NTRK3: variants seen among roughly 807,000 people sequenced by gnomAD.
NTRK3 encodes neurotrophic receptor tyrosine kinase 3, also known as NT-3 growth factor receptor.
A neutral mutation model predicts 91.7 loss-of-function variants in NTRK3; 24 were observed. That is an observed-to-expected ratio of 0.26 (90% CI 0.19 to 0.37). NTRK3 has a LOEUF of 0.37. NTRK3 is among the 10% of genes least tolerant of loss of function. NTRK3 has a pLI of 1.00. For synonymous variants in NTRK3, 483 were observed against 404.0 expected (o/e 1.20, Z -2.34); for missense variants, 880 against 1,068.9 (o/e 0.82, Z 2.46).
intron 13 of NTRK3, among the ~76,000 whole-genome samples, chr15:88,086,148 A>T (rs1273159191): frequency 2.6e-5 from 4 of 152,180 alleles, no homozygotes; most frequent in Admixed American, 6.5e-5. Flanking sequence ...CTCTGCCAAG[A>T]AACCACACCT....
intron 11 of NTRK3, 150 bp downstream of exon 11, chr15:88,128,561 C>T: frequency 1.2e-6 from 1 of 831,082 alleles, no homozygotes; most frequent in South Asian, 1.5e-5. Context: ...GCATTGCTAC[C>T]CTTCATTTCC....
intron 10 of NTRK3, chr15:88,132,180 T>G (rs2041421876): frequency 5.7e-6 from 1 of 176,980 alleles, no homozygotes; most frequent in Admixed American, 6.3e-5. Context: ...ACCTTAACAT[T>G]ATCTGTTAGA....
intron 16 of NTRK3, 84 bp from the exon 17 acceptor site, chr15:87,929,518 G>A (rs2141918999): frequency 1.3e-6 from 2 of 1,519,588 alleles, no homozygotes; most frequent in Non-Finnish European, 8.9e-7. Flanking sequence ...CTGCCCTCTG[G>A]AATGCCCCAC....
intron 13 of NTRK3, among the ~76,000 whole-genome samples, chr15:88,061,318 A>G (rs1472035477): frequency 2.6e-5 from 4 of 152,210 alleles, no homozygotes; most frequent in African/African-American, 9.6e-5. Flanking sequence ...TATCCATCAA[A>G]TGGAGCTCCG....
chr15:87,980,105 T>TA (rs549942004), intron 14 of NTRK3, among the ~76,000 whole-genome samples: 156 of 152,254 alleles, frequency 1.0e-3, no homozygotes, highest in Middle Eastern at 6.8e-3. Context: ...TTCCAAATCT[T>TA]ACAGGGGAGG....
chr15:87,900,163 G>A (rs1012836999), intron 17 of NTRK3, among the ~76,000 whole-genome samples: 2 of 152,114 alleles, frequency 1.3e-5, no homozygotes, highest in African/African-American at 4.8e-5. Context: ...GGAAGTCTGA[G>A]GTTGGGTGGT....
intron 14 of NTRK3, among the ~76,000 whole-genome samples, chr15:87,947,092 T>C (rs898288843): frequency 2.0e-5 from 3 of 152,064 alleles, no homozygotes; most frequent in Admixed American, 2.0e-4. Flanking sequence ...TTGGCCAGGC[T>C]GGTCTCAAAC....
intron 17 of NTRK3, among the ~76,000 whole-genome samples, chr15:87,904,766 C>G (rs892838523): frequency 2.0e-5 from 3 of 152,184 alleles, no homozygotes; most frequent in Admixed American, 2.0e-4. Flanking sequence ...GAAATATAAC[C>G]AGACACTTCT....
intron 3 of NTRK3, among the ~76,000 whole-genome samples, chr15:88,204,451 G>T (rs1597935382): frequency 1.3e-5 from 2 of 152,132 alleles, no homozygotes; most frequent in African/African-American, 2.4e-5. Context: ...GCCAGATTTT[G>T]ATCACTTCTA....
intron 14 of NTRK3, among the ~76,000 whole-genome samples, chr15:87,957,993 G>A (rs541794820): frequency 3.9e-4 from 59 of 152,266 alleles, no homozygotes; most frequent in African/African-American, 1.3e-3. Flanking sequence ...AAGCTTGGGG[G>A]TGGCCTGTTG....
intron 5 of NTRK3, among the ~76,000 whole-genome samples, chr15:88,150,853 C>A (rs957052925): frequency 2.0e-4 from 30 of 152,174 alleles, no homozygotes; most frequent in African/African-American, 7.2e-4. Context: ...TTGATAAATT[C>A]TCATAGCGCA....
At chr15:88,134,247 A>G (rs896443283) in intron 10 of NTRK3, among the ~76,000 whole-genome samples, 1 of 152,168 alleles carries the variant, frequency 6.6e-6, no homozygotes, top group African/African-American at 2.4e-5. Context: ...AAACTTATCA[A>G]TTGCGGAACC....
rs181431017 is a variant in NTRK3 at position 88,080,390 on chromosome 15, T to C, written c.1396+45881A>G. ...AACCATCATGTATTATTTTTGCCAA[T>C]TTAATGGGGGAGAACAGAATCTTGT... On this transcript the variant is annotated intron_variant, in intron 13 of 18. Coordinates refer to ENST00000394480, the Ensembl canonical transcript of NTRK3. Among the ~76,000 whole-genome samples the C allele has an allele frequency of 3.9e-5, 6 of 152,352 alleles. No individual in the cohort carries two copies. In the East Asian group the frequency reaches 1.2e-3, roughly 29 times the overall value.
At chr15:88,140,197 A>C (rs942271570) in intron 6 of NTRK3, among the ~76,000 whole-genome samples, 4 of 152,226 alleles carry the variant, frequency 2.6e-5, no homozygotes, top group Non-Finnish European at 5.9e-5. Context: ...CTGTAAAAAG[A>C]GAAATCCAAC....
chr15:88,186,440 A>T (rs930915467), intron 3 of NTRK3, among the ~76,000 whole-genome samples: 5 of 152,162 alleles, frequency 3.3e-5, no homozygotes, highest in Non-Finnish European at 7.4e-5. Context: ...TGCTGCAAAG[A>T]GTCCTCCGGT....
At chr15:88,175,191 C>T (rs928568363) in intron 5 of NTRK3, among the ~76,000 whole-genome samples, 1 of 152,236 alleles carries the variant, frequency 6.6e-6, no homozygotes, top group East Asian at 1.9e-4. Flanking sequence ...CTCTCTCCCA[C>T]TACATGTCAA....
intron 18 of NTRK3, among the ~76,000 whole-genome samples, chr15:87,878,090 T>C (rs1295699152): frequency 6.6e-6 from 1 of 152,216 alleles, no homozygotes; most frequent in African/African-American, 2.4e-5. Context: ...GTCTAGTTTT[T>C]AGGTTGGTTT....
At chr15:88,032,925 G>C (rs778762123) in exon 14 of NTRK3, 2 of 1,613,724 alleles carry the variant, frequency 1.2e-6, no homozygotes, top group Non-Finnish European at 1.7e-6. Flanking sequence ...AGGGATGCGA[G>C]TCATGCCAAT....
At chr15:88,185,640 T>C (rs1009967042) in intron 3 of NTRK3, among the ~76,000 whole-genome samples, 1 of 152,114 alleles carries the variant, frequency 6.6e-6, no homozygotes, top group African/African-American at 2.4e-5. Flanking sequence ...ACTTCAATCT[T>C]AGTGAAGAGT....
Sources: allele counts gnomAD v4.1 joint callset (sites outside exome capture counted in the v4.1 genomes callset), GRCh38; gene constraint gnomAD v4.1.1; transcripts MANE v1.5; gene names NCBI Gene and HGNC (gene_info 2026-07-23, HGNC 2026-07-21).